Variants in ADIPOR1 observed in about 807,000 individuals in gnomAD.
ADIPOR1 encodes the protein adiponectin receptor protein 1.
Under a neutral mutation model 37.5 loss-of-function variants are expected in ADIPOR1, and 15 were observed. That is an observed-to-expected ratio of 0.40 (90% confidence interval 0.27 to 0.62). The LOEUF is 0.62. Ranked by LOEUF, ADIPOR1 falls within the 20% of genes least tolerant of loss-of-function variation. The pLI, the probability that ADIPOR1 is intolerant of heterozygous loss-of-function variation, is 0.42. For synonymous variants in ADIPOR1, 173 were observed against 173.2 expected, an observed-to-expected ratio of 1.00 and a Z score of 0.01; for missense variants, 286 against 478.0, an observed-to-expected ratio of 0.60 and a Z score of 3.75.
At position 202,941,930 on chromosome 1, in the gene ADIPOR1, A is replaced by G. The variant is rs182951104; in HGVS notation, c.999+95T>C. 6.1e-4 allele frequency: 821 copies of G among 1,335,282 alleles called. 1 individual carries two copies. In the African/African-American group the frequency reaches 6.8e-3, roughly 11 times the overall value. The allele number at this position is 1,335,282 out of a possible 1,614,324, so 82.7% of individuals were successfully genotyped here. The stretch of plus-strand genomic sequence containing the variant: ...GCACATATATGTACCTCCAAACACT[A>G]TATGATCCCAGTCTCATACCACCTT... On this transcript the variant is annotated intron_variant, in intron 7 of 7. Coordinates refer to ENST00000340990, the MANE Select transcript of ADIPOR1 (RefSeq NM_015999.6).
Position 202,946,473 on chromosome 1 carries a change from A to G in ADIPOR1, c.396T>C (p.His132=), listed in dbSNP as rs141706866. 6.2e-7 allele frequency: 1 copy of G among 1,614,104 alleles called. No individual in the cohort carries two copies. Among genetic ancestry groups the G allele is most frequent in the Non-Finnish European group, 8.5e-7 (1 of 1,180,012 alleles). ...RACFKSIFRI[H]TETGNIWTHL... ...GGGTCCAGATGTTGCCAGTTTCTGT[A>G]TGAATGCGGAAGATGCTCTTGAAGC... Residue 132 remains histidine (H), a synonymous_variant, in exon 4 of 8, where the codon CAT becomes CAC. Coordinates refer to ENST00000340990, the MANE Select transcript of ADIPOR1 (RefSeq NM_015999.6).
At position 202,942,358 on chromosome 1, in the gene ADIPOR1, C is replaced by T; in HGVS notation, c.806-140G>A. 2 of 725,990 alleles carry T rather than the reference C, an allele frequency of 2.8e-6. 1 individual carries two copies. 45.0% of individuals were successfully genotyped at this position (725,990 alleles called of 1,614,324 possible). ...AGTACATGTTTAGGAAACTTAGCTACAAGATGGATAACACTCAACAGATAT... is the reference window on the plus strand; with the variant it reads ...AGTACATGTTTAGGAAACTTAGCTATAAGATGGATAACACTCAACAGATAT... On this transcript the variant is annotated intron_variant, in intron 6 of 7. Transcript: ENST00000340990.
chr1:202,941,117 T>C lies in ADIPOR1; in HGVS notation c.*456A>G, dbSNP rs938219144. The C allele has an allele frequency of 1.3e-5, 2 of 153,010 alleles. No homozygotes were observed. The highest frequency in any genetic ancestry group is 4.8e-5 in the African/African-American group (2 of 41,398). The allele number at this position is 153,010 out of a possible 1,614,324, so 9.5% of individuals were successfully genotyped here. ...AGGCCCTAGAAAGATGGGACCAGGGTATATAATTGTTTTTGAAAAGTGTGC... is the reference window on the plus strand; with the variant it reads ...AGGCCCTAGAAAGATGGGACCAGGGCATATAATTGTTTTTGAAAAGTGTGC... On this transcript the variant is annotated 3_prime_UTR_variant, in exon 8 of 8. Transcript: ENST00000340990.
At position 202,950,958 on chromosome 1, in the gene ADIPOR1, C is replaced by T. The variant is rs1654554627; in HGVS notation, c.113G>A (p.Gly38Asp). The change falls in exon 2 of 8, where the codon GGC becomes GAC. Residue 38 changes from glycine (G) to aspartate (D), a missense_variant. Physicochemically the swap from Gly to Asp is moderately conservative, Grantham distance 94 (BLOSUM62 -1). Coordinates refer to ENST00000340990, the MANE Select transcript of ADIPOR1 (RefSeq NM_015999.6). ...AELGPLLEEK[G>D]KRVIANPPKA... ...GGGTGGGTTGGCGATTACCCGTTTG[C>T]CCTTCTCTTCTAGCAGGGGTCCCAG... is the stretch of plus-strand genomic sequence containing the variant. The T allele has an allele frequency of 6.2e-7, 1 of 1,614,164 alleles. No individual in the cohort carries two copies. The highest frequency in any genetic ancestry group is 8.5e-7 in the Non-Finnish European group (1 of 1,180,032).
intron 3 of ADIPOR1, among the ~76,000 whole-genome samples, chr1:202,947,198 G>A (rs187616094): frequency 7.2e-5 from 11 of 152,166 alleles, no homozygotes; most frequent in Admixed American, 2.0e-4. Context: ...AGAAGTTTTA[G>A]GTAAGTGTTT....
intron 5 of ADIPOR1, 193 bp from the exon 6 acceptor site, chr1:202,944,138 T>C (rs1223730227): frequency 2.1e-5 from 11 of 528,980 alleles, no homozygotes. Context: ...TATTTTACGA[T>C]GGAAAAATCT....
At chr1:202,956,858 T>C (rs1050079327) in intron 1 of ADIPOR1, among the ~76,000 whole-genome samples, 1 of 152,224 alleles carries the variant, frequency 6.6e-6, no homozygotes, top group African/African-American at 2.4e-5. Context: ...TGGATTAATG[T>C]TGCTCCCTGT....
chr1:202,950,009 C>G (rs1654501121), intron 2 of ADIPOR1, among the ~76,000 whole-genome samples: 1 of 152,102 alleles, frequency 6.6e-6, no homozygotes. Context: ...GTTGCCCAGG[C>G]TGGAGTGCAA....
intron 5 of ADIPOR1, 51 bp from the exon 6 acceptor site, chr1:202,943,996 A>C (rs1438990316): frequency 6.6e-7 from 1 of 1,506,562 alleles, no homozygotes; most frequent in Non-Finnish European, 9.1e-7. Context: ...ATGAATTTGT[A>C]TGGCTCATTT....
At chr1:202,947,383 G>A (rs139803477) in intron 3 of ADIPOR1, among the ~76,000 whole-genome samples, 2 of 151,184 alleles carry the variant, frequency 1.3e-5, no homozygotes, top group African/African-American at 2.4e-5. Context: ...TAAGCCAGGC[G>A]TGGTGGCACA....
rs1654425948 is a variant in ADIPOR1 at position 202,948,562 on chromosome 1, A to C, written c.142-142T>G. 5 of 670,288 alleles carry C rather than the reference A, an allele frequency of 7.5e-6. No homozygotes were observed. In the South Asian group the frequency reaches 8.1e-5, roughly 11 times the overall value. 41.5% of individuals were successfully genotyped at this position (670,288 alleles called of 1,614,324 possible). A position where few individuals can be genotyped will look rare whatever the true frequency, so the allele number is the denominator to read the frequency against. ...CAGAGGGTCTTGTGGTCTCTTCTCC[A>C]AAAGCATACACACTGAGTTTACAAC... On this transcript the variant is annotated intron_variant, in intron 2 of 7. Transcript: ENST00000340990.
intron 1 of ADIPOR1, among the ~76,000 whole-genome samples, chr1:202,954,888 C>G (rs1043430967): frequency 2.6e-5 from 4 of 152,192 alleles, no homozygotes; most frequent in Non-Finnish European, 5.9e-5. Flanking sequence ...GCACACCTTT[C>G]CTGGAGGCAA....
At chr1:202,952,811 C>T (rs1273696427) in intron 1 of ADIPOR1, among the ~76,000 whole-genome samples, 8 of 152,174 alleles carry the variant, frequency 5.3e-5, no homozygotes, top group Non-Finnish European at 1.2e-4. Context: ...ATGTATGTAT[C>T]CTATTGGTGC....
At chr1:202,946,320 T>C in intron 4 of ADIPOR1, 119 bp downstream of exon 4, 1 of 1,216,672 alleles carries the variant, frequency 8.2e-7, no homozygotes, top group Admixed American at 2.0e-5. Context: ...TTAAAGTCAT[T>C]AGTAGTTTAA....
At chr1:202,955,728 C>T (rs1654757898) in intron 1 of ADIPOR1, among the ~76,000 whole-genome samples, 1 of 152,174 alleles carries the variant, frequency 6.6e-6, no homozygotes, top group Non-Finnish European at 1.5e-5. Flanking sequence ...ATCAGCCTCC[C>T]AAAGTGCTGG....
At chr1:202,957,306 G>A (rs182375403) in intron 1 of ADIPOR1, among the ~76,000 whole-genome samples, 11 of 151,968 alleles carry the variant, frequency 7.2e-5, no homozygotes, top group Non-Finnish European at 1.5e-5. Context: ...TGTATTCTCC[G>A]CTGTATTTTC....
chr1:202,942,203 A>T lies in ADIPOR1; in HGVS notation c.821T>A (p.Leu274His). The change falls in exon 7 of 8, where the codon CTT becomes CAT. Residue 274 changes from leucine (L) to histidine (H), a missense_variant. Transcript: ENST00000340990. ...RQTRAGVFLG[L>H]GLSGVVPTMH... The stretch of plus-strand genomic sequence containing the variant: ...GGTGGGCACGACGCCACTCAAGCCA[A>T]GTCCCAGGAACACGCCTGAACAGAA... The T allele has an allele frequency of 4.3e-6, 7 of 1,614,088 alleles. No homozygotes were observed. The highest frequency in any genetic ancestry group is 5.9e-6 in the Non-Finnish European group (7 of 1,179,958).
At chr1:202,947,382 C>T (rs540636368) in intron 3 of ADIPOR1, among the ~76,000 whole-genome samples, 31 of 151,728 alleles carry the variant, frequency 2.0e-4, no homozygotes, top group Non-Finnish European at 3.4e-4. Context: ...ATAAGCCAGG[C>T]GTGGTGGCAC....
intron 1 of ADIPOR1, among the ~76,000 whole-genome samples, chr1:202,956,133 G>T (rs1374464518): frequency 6.6e-6 from 1 of 152,166 alleles, no homozygotes; most frequent in Admixed American, 6.5e-5. Flanking sequence ...ATGGTGAGAG[G>T]AACAAAATCC....
Sources: allele counts gnomAD v4.1 joint callset (sites outside exome capture counted in the v4.1 genomes callset), GRCh38; gene constraint gnomAD v4.1.1; transcripts MANE v1.5; gene names NCBI Gene and HGNC (gene_info 2026-07-23, HGNC 2026-07-21).